Variants in ZBTB4 observed in about 807,000 individuals in gnomAD.
The protein encoded by ZBTB4 is zinc finger and BTB domain containing 4, also known as zinc finger and BTB domain-containing protein 4.
Under a neutral mutation model 59.8 loss-of-function variants are expected in ZBTB4, and 14 were observed. The observed-to-expected ratio is 0.23, with a 90% CI of 0.15 to 0.37. ZBTB4 has a LOEUF of 0.37. Among genes scored for constraint, ZBTB4 ranks in the 10% least tolerant of loss-of-function variants. ZBTB4 has a pLI of 1.00. For synonymous variants in ZBTB4, 587 were observed against 575.2 expected (o/e 1.02, Z -0.29); for missense variants, 1,198 against 1,380.8 (o/e 0.87, Z 2.10).
chr17:7,482,634 C>T (rs1446845902), upstream of ZBTB4: 1 of 1,612,048 alleles, frequency 6.2e-7, no homozygotes. Context: ...CACTTTCCCT[C>T]CTGCCTCCCA....
chr17:7,462,146 C>A lies in ZBTB4; in HGVS notation c.2836G>T (p.Val946Phe). Residue 946 changes from valine (V) to phenylalanine (F), a missense_variant, in exon 4 of 4, where the codon GTT becomes TTT. Val to Phe is a conservative substitution (Grantham distance 50). Coordinates refer to ENST00000380599, the MANE Select transcript of ZBTB4 (RefSeq NM_001128833.2). This position sits in a 1 kb window ranked among gnomAD's most constrained non-coding sequence, Gnocchi z 7.5. ...TCAGGTAGGACCATGTTGAGAGCAA[C>A]CGGGAGAGCGGCCAAGTTACTGAAG... is the stretch of plus-strand genomic sequence containing the variant. ...YNFSNLAALP[V>F]ALNMVLPDEK... 6.2e-7 allele frequency: 1 copy of A among 1,613,814 alleles called. No homozygotes were observed. Among genetic ancestry groups the A allele is most frequent in the South Asian group, 1.1e-5 (1 of 91,058 alleles).
chr17:7,471,763 A>C (rs1448188678), intron 1 of ZBTB4, among the ~76,000 whole-genome samples: 1 of 148,584 alleles, frequency 6.7e-6, no homozygotes, highest in South Asian at 2.2e-4. Context: ...GGGTTGTTGT[A>C]AAGATTAAAT....
intron 3 of ZBTB4, among the ~76,000 whole-genome samples, chr17:7,465,449 G>A (rs547694539): frequency 1.4e-5 from 2 of 147,734 alleles, no homozygotes; most frequent in South Asian, 4.3e-4. Flanking sequence ...GGGCTACAGA[G>A]AGAGGCTCTG....
At chr17:7,476,949 C>A (rs926226505) in intron 1 of ZBTB4, among the ~76,000 whole-genome samples, 2 of 152,158 alleles carry the variant, frequency 1.3e-5, no homozygotes. Flanking sequence ...CCTGATTGCC[C>A]GGGTTCAAAT....
rs376293335 is a variant in ZBTB4, at chr17:7,475,142, G to A, written c.-81+4314C>T. On this transcript the variant is annotated intron_variant, in intron 1 of 3. Transcript: ENST00000380599. ...ACCACCTGCCTAGCCAACATGGTGA[G>A]ACCAGCCTGGCCAACATGGTGAAAC... Among the ~76,000 whole-genome samples, 6 of 151,560 alleles carry A rather than the reference G, an allele frequency of 4.0e-5. No homozygotes were observed. The East Asian group carries it at 9.7e-4, about 25-fold the overall frequency.
upstream of ZBTB4, chr17:7,482,061 G>A (rs61740425): frequency 4.7e-4 from 752 of 1,613,716 alleles, 3 homozygotes; most frequent in Middle Eastern, 3.5e-3. Flanking sequence ...CCCAGCCTCC[G>A]CTGGCACCAG....
Position 7,466,222 on chromosome 17 carries a change from C to T in ZBTB4, c.580G>A (p.Ala194Thr), listed in dbSNP as rs566002388. 1.1e-3 allele frequency: 1,706 copies of T among 1,613,556 alleles called. 30 individuals are homozygous for T. In the South Asian group the frequency reaches 0.018, roughly 17 times the overall value. ...CTGTCCTCTTCAGGCTGCGAGGTGG[C>T]CATGGGGGCTGGGGTAGGAGGTACC... ...AWVPPTPAPMATSQPEEDSFG... is the reference protein window; with the variant it reads ...AWVPPTPAPMTTSQPEEDSFG... Residue 194 changes from alanine to threonine, a missense_variant, in exon 3 of 4, where the codon GCC becomes ACC. Physicochemically the swap from Ala to Thr is moderately conservative, Grantham distance 58 (BLOSUM62 0). This residue lies in a region of ZBTB4 where 204 missense variants were observed against 205.5 expected (regional missense o/e 0.99). Transcript: ENST00000380599. This position sits in a 1 kb window ranked among gnomAD's most constrained non-coding sequence, Gnocchi z 9.1.
intron 1 of ZBTB4, among the ~76,000 whole-genome samples, chr17:7,468,779 C>T (rs1389270114): frequency 6.6e-6 from 1 of 152,200 alleles, no homozygotes; most frequent in Non-Finnish European, 1.5e-5. Flanking sequence ...ATTTATCACT[C>T]ATACTGTCTG....
intron 1 of ZBTB4, among the ~76,000 whole-genome samples, chr17:7,473,873 A>G (rs2070233322): frequency 6.6e-6 from 1 of 151,908 alleles, no homozygotes; most frequent in African/African-American, 2.4e-5. Context: ...TATCTCTGGA[A>G]TGTAAGCTCC....
Position 7,466,679 on chromosome 17 carries a change from G to A in ZBTB4, c.123C>T (p.Phe41=), listed in dbSNP as rs2070132486. The A allele has an allele frequency of 1.9e-6, 3 of 1,612,266 alleles. No homozygotes were observed. Among genetic ancestry groups the A allele is most frequent in the South Asian group, 2.2e-5 (2 of 90,624 alleles). Residue 41 remains phenylalanine (F), a synonymous_variant, in exon 3 of 4, where the codon TTC becomes TTT. Coordinates refer to ENST00000380599, the MANE Select transcript of ZBTB4 (RefSeq NM_001128833.2). This position sits in a 1 kb window ranked among gnomAD's most constrained non-coding sequence, Gnocchi z 9.1. ...CAGCCAGGACGCTGCGGTGAGCAGG[G>A]AACTTGGTGTCTCCGGCTATGAGGG... The part of the protein sequence containing the change: ...DVTLIAGDTK[F]PAHRSVLAAS...
At chr17:7,482,511 G>T, upstream of ZBTB4, 1 of 1,613,528 alleles carries the variant, frequency 6.2e-7, no homozygotes, top group Non-Finnish European at 8.5e-7. Context: ...GTGGGACCTG[G>T]ACTCTGGACA....
upstream of ZBTB4, among the ~76,000 whole-genome samples, chr17:7,483,714 C>G (rs1008070708): frequency 1.3e-5 from 2 of 152,228 alleles, no homozygotes; most frequent in Non-Finnish European, 2.9e-5. Context: ...GTCGCGGTCC[C>G]GTGATCTCTC....
upstream of ZBTB4, chr17:7,481,445 T>C: frequency 2.1e-6 from 3 of 1,405,440 alleles, no homozygotes; most frequent in Non-Finnish European, 2.8e-6. Context: ...ACTCCAACCA[T>C]GTCACAATGG....
intron 3 of ZBTB4, 100 bp downstream of exon 3, chr17:7,465,611 A>G (rs1474683317): frequency 2.1e-6 from 3 of 1,449,704 alleles, no homozygotes; most frequent in African/African-American, 1.4e-5. Context: ...TAGTTTCAGG[A>G]TAACTTTCTA....
At chr17:7,482,108 G>T, upstream of ZBTB4, 2 of 1,614,176 alleles carry the variant, frequency 1.2e-6, no homozygotes, top group South Asian at 1.1e-5. Flanking sequence ...TGGCCTGCTG[G>T]TGGCCCTGCT....
At chr17:7,478,047 T>G (rs2241235) in intron 1 of ZBTB4, among the ~76,000 whole-genome samples, 3 of 151,930 alleles carry the variant, frequency 2.0e-5, no homozygotes, top group Non-Finnish European at 4.4e-5. Flanking sequence ...CACCGCCACT[T>G]AAGCACACAG....
intron 1 of ZBTB4, among the ~76,000 whole-genome samples, chr17:7,474,294 C>A (rs901458357): frequency 2.7e-5 from 4 of 148,550 alleles, no homozygotes; most frequent in Non-Finnish European, 5.9e-5. Flanking sequence ...CAGCTCCCTG[C>A]AGCCTTGACC....
intron 1 of ZBTB4, among the ~76,000 whole-genome samples, chr17:7,477,246 C>G (rs2070281130): frequency 6.6e-6 from 1 of 152,210 alleles, no homozygotes; most frequent in South Asian, 2.1e-4. Flanking sequence ...TAGCCACTTT[C>G]CGGGTCCGTT....
At chr17:7,464,391 A>G (rs2070081009) in intron 3 of ZBTB4, among the ~76,000 whole-genome samples, 1 of 138,038 alleles carries the variant, frequency 7.2e-6, no homozygotes, top group Non-Finnish European at 1.5e-5. Context: ...GCACCACTGC[A>G]CTCCCGCCTG....
Sources: allele counts gnomAD v4.1 joint callset (sites outside exome capture counted in the v4.1 genomes callset), GRCh38; gene constraint gnomAD v4.1.1; regional missense constraint gnomAD v4.1.1; non-coding constraint Gnocchi (gnomAD v3.1); transcripts MANE v1.5; gene names NCBI Gene and HGNC (gene_info 2026-07-23, HGNC 2026-07-21).